PLPPR1: variants seen among roughly 807,000 people sequenced by gnomAD.
PLPPR1 encodes phospholipid phosphatase-related protein type 1.
Under a neutral mutation model 33.1 loss-of-function variants are expected in PLPPR1, and 10 were observed. The observed-to-expected ratio is 0.30, with a 90% CI of 0.19 to 0.51. PLPPR1 has a LOEUF of 0.51. Ranked by LOEUF, PLPPR1 falls within the 20% of genes least tolerant of loss-of-function variation. PLPPR1 has a pLI of 0.97. For synonymous variants in PLPPR1, 151 were observed against 151.0 expected, an observed-to-expected ratio of 1.00 and a Z score of 0.00; for missense variants, 304 against 408.1, an observed-to-expected ratio of 0.74 and a Z score of 2.20.
intron 1 of PLPPR1, chr9:101,125,689 A>G: frequency 3.2e-6 from 2 of 634,022 alleles, no homozygotes; most frequent in Non-Finnish European, 5.7e-6. Flanking sequence ...TGACCATTGT[A>G]ACATTACAGG....
At position 101,120,725 on chromosome 9, in the gene PLPPR1, C is replaced by G. The variant is rs139534528; in HGVS notation, c.-45-64725C>G. ...ATCACCAAAGAAAGGGTTTGAGGAC[C>G]AGTTACTCAGCCACACATCCCAAAT... On this transcript the variant is annotated intron_variant, in intron 1 of 7. Coordinates refer to ENST00000374874, the MANE Select transcript of PLPPR1 (RefSeq NM_207299.2). Among the ~76,000 whole-genome samples, 97 of 142,650 alleles carry G rather than the reference C, an allele frequency of 6.8e-4. 1 individual carries two copies. The highest frequency in any genetic ancestry group is 2.2e-3 in the African/African-American group (88 of 39,418). 93.6% of individuals were successfully genotyped at this position (142,650 alleles called of 152,430 possible). A position where few individuals can be genotyped will look rare whatever the true frequency, so the allele number is the denominator to read the frequency against.
chr9:101,158,546 C>CA (rs1305682148), intron 1 of PLPPR1, among the ~76,000 whole-genome samples: 1 of 152,118 alleles, frequency 6.6e-6, no homozygotes, highest in African/African-American at 2.4e-5. Flanking sequence ...AGACAGCTGA[C>CA]AAAGGATAAA....
At chr9:101,234,182 C>T (rs1020901284) in intron 2 of PLPPR1, among the ~76,000 whole-genome samples, 2 of 151,868 alleles carry the variant, frequency 1.3e-5, no homozygotes, top group South Asian at 2.1e-4. Flanking sequence ...TCCTTTTCCA[C>T]GTGTCATCAA....
At chr9:101,146,310 C>G (rs1831521081) in intron 1 of PLPPR1, among the ~76,000 whole-genome samples, 1 of 152,096 alleles carries the variant, frequency 6.6e-6, no homozygotes, top group Non-Finnish European at 1.5e-5. Flanking sequence ...TGGAGAAGAG[C>G]CTTCAGAACA....
At chr9:101,163,733 C>T (rs562221219) in intron 1 of PLPPR1, among the ~76,000 whole-genome samples, 127 of 152,114 alleles carry the variant, frequency 8.3e-4, no homozygotes, top group Non-Finnish European at 1.4e-3. Context: ...CAGGTGTTAA[C>T]TTCATCCAAA....
At chr9:101,058,900 T>G (rs1487697284) in intron 1 of PLPPR1, among the ~76,000 whole-genome samples, 1 of 152,108 alleles carries the variant, frequency 6.6e-6, no homozygotes, top group Non-Finnish European at 1.5e-5. Flanking sequence ...AAATTAAGGC[T>G]CAAAAAAGTT....
intron 1 of PLPPR1, among the ~76,000 whole-genome samples, chr9:101,113,459 C>T (rs1831081635): frequency 6.6e-6 from 1 of 152,130 alleles, no homozygotes; most frequent in African/African-American, 2.4e-5. Context: ...AAATAGATCT[C>T]TTATAAGATG....
intron 2 of PLPPR1, among the ~76,000 whole-genome samples, chr9:101,254,918 A>G (rs1827773076): frequency 6.6e-6 from 1 of 152,000 alleles, no homozygotes; most frequent in Admixed American, 6.6e-5. Context: ...GTTATAGGGC[A>G]TATGCACACT....
intron 1 of PLPPR1, among the ~76,000 whole-genome samples, chr9:101,083,518 T>A (rs10989386): frequency 0.032 from 4,918 of 152,204 alleles, 140 homozygotes; most frequent in East Asian, 0.081. Flanking sequence ...CTTAAATAAA[T>A]GCAATGAAGC....
At chr9:101,163,312 C>G (rs1294625153) in intron 1 of PLPPR1, among the ~76,000 whole-genome samples, 3 of 152,178 alleles carry the variant, frequency 2.0e-5, no homozygotes. Flanking sequence ...TAAGAACTTT[C>G]ATTCAACAAA....
intron 2 of PLPPR1, among the ~76,000 whole-genome samples, chr9:101,211,823 T>C (rs1826696493): frequency 6.6e-6 from 1 of 152,240 alleles, no homozygotes; most frequent in South Asian, 2.1e-4. Flanking sequence ...GCTAATACTA[T>C]ATATCAGGCA....
chr9:101,302,124 C>G (rs536356701), intron 4 of PLPPR1, among the ~76,000 whole-genome samples: 21 of 152,336 alleles, frequency 1.4e-4, no homozygotes, highest in Non-Finnish European at 2.5e-4. Flanking sequence ...AGTTAATTGA[C>G]TTCTCTGGAT....
rs779169725 is a variant in PLPPR1 at position 101,101,645 on chromosome 9, G to C, written c.-46+72543G>C. The stretch of plus-strand genomic sequence containing the variant: ...GAATAAATGGAATAAAAGGATGAAT[G>C]AAACGATAAACAAATGTAAAGATCC... On this transcript the variant is annotated intron_variant, in intron 1 of 7. Transcript: ENST00000374874. Among the ~76,000 whole-genome samples the C allele has an allele frequency of 6.6e-5, 10 of 152,230 alleles. No individual in the cohort carries two copies. The South Asian group carries it at 8.3e-4, about 13-fold the overall frequency.
At chr9:101,036,795 T>C (rs542288816) in intron 1 of PLPPR1, among the ~76,000 whole-genome samples, 15 of 151,848 alleles carry the variant, frequency 9.9e-5, no homozygotes, top group Non-Finnish European at 2.1e-4. Flanking sequence ...ACATTTTCAG[T>C]AGGCCTCCTA....
intron 1 of PLPPR1, among the ~76,000 whole-genome samples, chr9:101,056,382 G>A (rs1000775339): frequency 9.9e-5 from 15 of 152,058 alleles, no homozygotes; most frequent in African/African-American, 3.6e-4. Context: ...AGCTTGAATT[G>A]TTGCAGTTTG....
rs186163947 is a variant in PLPPR1, at chr9:101,234,859, T to C, written c.64-35021T>C. On this transcript the variant is annotated intron_variant, in intron 2 of 7. Transcript: ENST00000374874. ...GACTTAAATCAGAGAAATTTATTGA[T>C]GTGTATCTGTGTTTAAATGTATCCT... Among the ~76,000 whole-genome samples the C allele has an allele frequency of 5.3e-5, 8 of 152,092 alleles. 1 individual carries two copies. Among genetic ancestry groups the C allele is most frequent in the African/African-American group, 1.7e-4 (7 of 41,552 alleles).
intron 2 of PLPPR1, among the ~76,000 whole-genome samples, chr9:101,259,726 A>T (rs1362388737): frequency 2.0e-5 from 3 of 152,198 alleles, no homozygotes. Context: ...ACATCAATTA[A>T]TATATGTAAG....
chr9:101,279,905 A>AG (rs1463485876), intron 3 of PLPPR1, among the ~76,000 whole-genome samples: 1 of 152,286 alleles, frequency 6.6e-6, no homozygotes, highest in Admixed American at 6.5e-5. Context: ...TGAAAGAACT[A>AG]GAAAAACAAG....
At chr9:101,090,474 T>C (rs559473011) in intron 1 of PLPPR1, among the ~76,000 whole-genome samples, 1 of 152,324 alleles carries the variant, frequency 6.6e-6, no homozygotes, top group Non-Finnish European at 1.5e-5. Context: ...TTGATTTCTA[T>C]TGAAATTGTG....
Sources: gnomAD v4.1 joint callset for allele counts (sites outside exome capture counted in the v4.1 genomes callset) on GRCh38, gnomAD v4.1.1 for gene constraint, MANE v1.5 for transcripts, NCBI Gene and HGNC (gene_info 2026-07-23, HGNC 2026-07-21) for gene names.